STK3: variants seen among roughly 807,000 people sequenced by gnomAD.
STK3 encodes the protein serine/threonine-protein kinase 3.
A neutral mutation model predicts 58.0 loss-of-function variants in STK3; 41 were observed. The ratio of observed to expected loss-of-function variants is 0.71; its 90% CI spans 0.55 to 0.92. STK3 has a LOEUF of 0.92. Ranked by LOEUF, STK3 falls within the 40% of genes least tolerant of loss-of-function variation. The pLI is 0.00. For synonymous variants in STK3, 170 were observed against 191.0 expected, an observed-to-expected ratio of 0.89 and a Z score of 0.91; for missense variants, 479 against 602.7, an observed-to-expected ratio of 0.79 and a Z score of 2.15.
chr8:98,843,780 G>A (rs1452355231), intron 3 of STK3, among the ~76,000 whole-genome samples: 2 of 152,196 alleles, frequency 1.3e-5, no homozygotes, highest in East Asian at 1.9e-4. Context: ...ACTTTGGGAG[G>A]CTGAGGCGGG....
At chr8:98,599,123 T>C (rs1816094972) in intron 6 of STK3, among the ~76,000 whole-genome samples, 1 of 152,198 alleles carries the variant, frequency 6.6e-6, no homozygotes, top group South Asian at 2.1e-4. Context: ...ATTCATGCTA[T>C]TATTTAAGAA....
intron 6 of STK3, among the ~76,000 whole-genome samples, chr8:98,627,639 A>G (rs1248690665): frequency 6.6e-6 from 1 of 152,104 alleles, no homozygotes; most frequent in East Asian, 1.9e-4. Context: ...CCAGAAGCCA[A>G]GCAGATGCTG....
intron 9 of STK3, among the ~76,000 whole-genome samples, chr8:98,542,652 A>G (rs1249497813): frequency 1.3e-5 from 2 of 152,218 alleles, no homozygotes; most frequent in Non-Finnish European, 2.9e-5. Context: ...CAGGGCTGAC[A>G]ATGCCCAGGG....
intron 1 of STK3, among the ~76,000 whole-genome samples, chr8:98,814,844 C>T (rs1652482144): frequency 6.6e-6 from 1 of 152,046 alleles, no homozygotes; most frequent in Non-Finnish European, 1.5e-5. Context: ...CCATGCCCAG[C>T]TAATTTTTGT....
In STK3 at chr8:98,604,318, A is replaced by C. The variant is rs1816603493; in HGVS notation, c.685-8149T>G. On this transcript the variant is annotated intron_variant, in intron 6 of 10. Coordinates refer to ENST00000419617, the MANE Select transcript of STK3 (RefSeq NM_006281.4). Reference sequence around the variant, plus strand: ...GTCCCACATCCAGGGCACACTGATAAAAGGCGTGGGCTCCCAAAGCCTTCA... The same window carrying C: ...GTCCCACATCCAGGGCACACTGATACAAGGCGTGGGCTCCCAAAGCCTTCA... Among the ~76,000 whole-genome samples, 5 of 152,332 alleles carry C rather than the reference A, an allele frequency of 3.3e-5. No individual in the cohort carries two copies. In the South Asian group the frequency reaches 1.0e-3, roughly 32 times the overall value.
At chr8:98,408,026 CA>C (rs1818015769) in intron 3 of STK3, among the ~76,000 whole-genome samples, 1 of 152,184 alleles carries the variant, frequency 6.6e-6, no homozygotes, top group Admixed American at 6.5e-5. Flanking sequence ...TTGCAGAGAG[CA>C]CTTGATGAGA....
intron 1 of STK3, among the ~76,000 whole-genome samples, chr8:98,386,912 T>C (rs1268205310): frequency 2.0e-5 from 3 of 152,174 alleles, no homozygotes; most frequent in Non-Finnish European, 4.4e-5. Context: ...GAGCCGAGAT[T>C]GTACCACTGC....
At chr8:98,644,893 A>G (rs1330689408) in intron 6 of STK3, among the ~76,000 whole-genome samples, 1 of 152,198 alleles carries the variant, frequency 6.6e-6, no homozygotes, top group Non-Finnish European at 1.5e-5. Context: ...CAATTCTATG[A>G]AAGTATGGCT....
rs767684188 is a variant in STK3, at chr8:98,428,845, A to C, written n.483+5282T>G. On this transcript the variant is annotated intron_variant and non_coding_transcript_variant, in intron 3 of 3. Transcript: ENST00000517832. The surrounding 1 kb of genome is among the most constrained non-coding windows in gnomAD (Gnocchi z 6.7). ...GTGGAGAGCACACCTACTTTAGCCAACTTGGGCAGGGTGGCCCAGGTCCTG... is the reference window on the plus strand; with the variant it reads ...GTGGAGAGCACACCTACTTTAGCCACCTTGGGCAGGGTGGCCCAGGTCCTG... 1.2e-6 allele frequency: 2 copies of C among 1,614,124 alleles called. No homozygotes were observed. Among genetic ancestry groups the C allele is most frequent in the African/African-American group, 1.3e-5 (1 of 75,022 alleles).
chr8:98,392,430 C>T (rs1376810595), upstream of STK3, among the ~76,000 whole-genome samples: 1 of 152,228 alleles, frequency 6.6e-6, no homozygotes, highest in Non-Finnish European at 1.5e-5. Context: ...GCAGCACTGA[C>T]TTGGGGATCC....
chr8:98,572,780 T>C (rs1813066202), intron 8 of STK3, among the ~76,000 whole-genome samples: 1 of 152,176 alleles, frequency 6.6e-6, no homozygotes, highest in Non-Finnish European at 1.5e-5. Context: ...AGCTACTGCC[T>C]GAAAAAATAA....
At chr8:98,830,959 G>A (rs1835509482) in intron 3 of STK3, among the ~76,000 whole-genome samples, 1 of 111,364 alleles carries the variant, frequency 9.0e-6, no homozygotes, top group Non-Finnish European at 1.7e-5. Context: ...GACAGAGCAA[G>A]ACTCTGTCTC....
intron 3 of STK3, among the ~76,000 whole-genome samples, chr8:98,877,563 A>G (rs1448762868): frequency 6.6e-6 from 1 of 151,926 alleles, no homozygotes; most frequent in African/African-American, 2.4e-5. Context: ...GGCTCACCAC[A>G]ACTTCCGCCT....
chr8:98,794,716 A>C (rs1258626246), intron 1 of STK3, among the ~76,000 whole-genome samples: 2 of 152,144 alleles, frequency 1.3e-5, no homozygotes, highest in Non-Finnish European at 2.9e-5. Flanking sequence ...AAGAAAAAAG[A>C]AAACTACAAA....
intron 8 of STK3, among the ~76,000 whole-genome samples, chr8:98,551,179 C>G (rs1235387043): frequency 6.6e-6 from 1 of 152,148 alleles, no homozygotes; most frequent in Non-Finnish European, 1.5e-5. Flanking sequence ...AGTTTCAGAT[C>G]AAGTATCTAC....
At chr8:98,794,169 A>G (rs1832981145) in intron 1 of STK3, among the ~76,000 whole-genome samples, 1 of 152,202 alleles carries the variant, frequency 6.6e-6, no homozygotes, top group Non-Finnish European at 1.5e-5. Flanking sequence ...AGCAGAAGAA[A>G]TAAAAGCAAA....
intron 9 of STK3, among the ~76,000 whole-genome samples, chr8:98,542,501 A>G (rs1176607626): frequency 6.6e-6 from 1 of 151,950 alleles, no homozygotes; most frequent in African/African-American, 2.4e-5. Flanking sequence ...CTAGCTTACT[A>G]AAAAAAAGAG....
chr8:98,843,892 C>T (rs1037768391), intron 3 of STK3, among the ~76,000 whole-genome samples: 2 of 152,214 alleles, frequency 1.3e-5, no homozygotes, highest in Admixed American at 6.5e-5. Context: ...TGGTGCATGC[C>T]TGTAATCCCA....
intron 1 of STK3, among the ~76,000 whole-genome samples, chr8:98,801,411 C>G (rs372944418): frequency 6.6e-6 from 1 of 152,112 alleles, no homozygotes; most frequent in Admixed American, 6.5e-5. Context: ...TTTGTTCTTT[C>G]GCTCTTTGCA....
Sources: allele counts gnomAD v4.1 joint callset (sites outside exome capture counted in the v4.1 genomes callset), GRCh38; gene constraint gnomAD v4.1.1; non-coding constraint Gnocchi (gnomAD v3.1); transcripts MANE v1.5; gene names NCBI Gene and HGNC (gene_info 2026-07-23, HGNC 2026-07-21).